The following INPP4B variants were observed in gnomAD, a reference collection of about 807,000 sequenced individuals.
INPP4B encodes the protein inositol polyphosphate-4-phosphatase type II B, also known as inositol polyphosphate 4-phosphatase type II.
Under a neutral mutation model 122.5 loss-of-function variants are expected in INPP4B, and 55 were observed. That is an observed-to-expected ratio of 0.45 (90% confidence interval 0.36 to 0.56). INPP4B has a LOEUF of 0.56. Ranked by LOEUF, INPP4B falls within the 20% of genes least tolerant of loss-of-function variation. The pLI, the probability that INPP4B is intolerant of heterozygous loss-of-function variation, is 0.00. For synonymous variants in INPP4B, 403 were observed against 388.7 expected, an observed-to-expected ratio of 1.04 and a Z score of -0.43; for missense variants, 1,000 against 1,097.7, an observed-to-expected ratio of 0.91 and a Z score of 1.26.
At position 142,272,222 on chromosome 4, in the gene INPP4B, T is replaced by C. The variant is rs565576836; in HGVS notation, c.504-1448A>G. Among the ~76,000 whole-genome samples, 6 of 152,198 alleles carry C rather than the reference T, an allele frequency of 3.9e-5. No individual in the cohort carries two copies. In the South Asian group the frequency reaches 1.0e-3, roughly 26 times the overall value. ...AAAGTGTCAGAAAGCAGAAGGGGCA[T>C]TTCTATGAGTAGTTTACCAAAATGC... is the stretch of plus-strand genomic sequence containing the variant. On this transcript the variant is annotated intron_variant, in intron 9 of 25. Coordinates refer to ENST00000262992, the MANE Select transcript of INPP4B (RefSeq NM_001101669.3).
At chr4:142,110,620 T>C (rs1021802078) in intron 22 of INPP4B, among the ~76,000 whole-genome samples, 12 of 152,130 alleles carry the variant, frequency 7.9e-5, no homozygotes, top group African/African-American at 2.9e-4. Flanking sequence ...GTCAGAGTGC[T>C]ATTCAAATTC....
At chr4:142,637,329 A>T (rs1350081577) in intron 2 of INPP4B, among the ~76,000 whole-genome samples, 2 of 152,106 alleles carry the variant, frequency 1.3e-5, no homozygotes, top group African/African-American at 2.4e-5. Flanking sequence ...CCCGCAAAAA[A>T]ATTGTCTATG....
intron 2 of INPP4B, among the ~76,000 whole-genome samples, chr4:142,465,738 G>A (rs964105424): frequency 1.9e-4 from 29 of 152,110 alleles, no homozygotes; most frequent in African/African-American, 6.8e-4. Context: ...CGGATCCTGG[G>A]GGAGGATCCT....
chr4:142,184,577 T>C (rs1832337920), intron 15 of INPP4B, among the ~76,000 whole-genome samples: 1 of 152,166 alleles, frequency 6.6e-6, no homozygotes, highest in Non-Finnish European at 1.5e-5. Flanking sequence ...CATTCCCCCA[T>C]ATATATATCC....
At chr4:142,113,342 C>A (rs1791230548) in intron 21 of INPP4B, among the ~76,000 whole-genome samples, 2 of 150,800 alleles carry the variant, frequency 1.3e-5, no homozygotes, top group Non-Finnish European at 3.0e-5. Context: ...ATTTTAAAAA[C>A]TGTCATCTTC....
At chr4:142,484,962 A>G (rs1821031235) in intron 2 of INPP4B, among the ~76,000 whole-genome samples, 1 of 152,162 alleles carries the variant, frequency 6.6e-6, no homozygotes, top group Admixed American at 6.6e-5. Flanking sequence ...AGCAAAAGGA[A>G]ACTGAAGTTT....
intron 1 of INPP4B, among the ~76,000 whole-genome samples, chr4:142,730,841 T>C (rs1039531208): frequency 6.6e-6 from 1 of 152,208 alleles, no homozygotes; most frequent in African/African-American, 2.4e-5. Context: ...ACAATTGCTA[T>C]CTATTAAATA....
intron 16 of INPP4B, among the ~76,000 whole-genome samples, chr4:142,170,952 G>A (rs1421560412): frequency 4.0e-5 from 6 of 151,746 alleles, no homozygotes; most frequent in Admixed American, 3.3e-4. Flanking sequence ...GTTCTCAGTA[G>A]CAGTAGAGAT....
chr4:142,320,469 A>G lies in INPP4B; in HGVS notation c.373-5707T>C, dbSNP rs572878428. On this transcript the variant is annotated intron_variant, in intron 7 of 25. Transcript: ENST00000262992. ...AAGACACTAAAATTTGGATGTTTAC[A>G]TTTGTTTTGACAGAATAATTTAGAT... Among the ~76,000 whole-genome samples the G allele has an allele frequency of 4.6e-5, 7 of 152,246 alleles. No homozygotes were observed. In the East Asian group the frequency reaches 7.7e-4, roughly 17 times the overall value.
At chr4:142,826,763 ACT>A (rs1781514347) in intron 1 of INPP4B, among the ~76,000 whole-genome samples, 1 of 151,800 alleles carries the variant, frequency 6.6e-6, no homozygotes, top group South Asian at 2.1e-4. Context: ...GTCTTCACAA[ACT>A]CAACTCTTCA....
At chr4:142,215,798 C>T (rs962884311) in intron 12 of INPP4B, among the ~76,000 whole-genome samples, 24 of 144,836 alleles carry the variant, frequency 1.7e-4, no homozygotes, top group South Asian at 2.3e-4. Flanking sequence ...GAGGCTGAGG[C>T]GGGAGAATGG....
At chr4:142,687,623 A>G (rs1175945296) in intron 2 of INPP4B, among the ~76,000 whole-genome samples, 1 of 151,508 alleles carries the variant, frequency 6.6e-6, no homozygotes, top group Non-Finnish European at 1.5e-5. Flanking sequence ...AGCCCAGGTA[A>G]TGTGAGTTGT....
intron 3 of INPP4B, among the ~76,000 whole-genome samples, chr4:142,438,601 A>G (rs1277296513): frequency 2.0e-5 from 3 of 152,224 alleles, no homozygotes; most frequent in Non-Finnish European, 4.4e-5. Flanking sequence ...TAAGAACCCT[A>G]GAAGAAAACC....
chr4:142,255,137 TAC>T (rs1368089420), intron 11 of INPP4B, among the ~76,000 whole-genome samples: 2 of 151,834 alleles, frequency 1.3e-5, no homozygotes, highest in Non-Finnish European at 2.9e-5. Flanking sequence ...TAAAATACTT[TAC>T]AGACAAGAAA....
At chr4:142,476,832 C>T (rs1819852245) in intron 2 of INPP4B, among the ~76,000 whole-genome samples, 1 of 152,082 alleles carries the variant, frequency 6.6e-6, no homozygotes, top group Non-Finnish European at 1.5e-5. Context: ...TAAGAAGAGT[C>T]TTAGACAACC....
intron 2 of INPP4B, among the ~76,000 whole-genome samples, chr4:142,522,305 G>C (rs1019618748): frequency 1.3e-5 from 2 of 151,026 alleles, no homozygotes; most frequent in Non-Finnish European, 3.0e-5. Context: ...ACATTTACTT[G>C]TCCCAGGAAC....
chr4:142,571,492 A>G (rs1424837618), intron 2 of INPP4B, among the ~76,000 whole-genome samples: 1 of 152,158 alleles, frequency 6.6e-6, no homozygotes, highest in Non-Finnish European at 1.5e-5. Flanking sequence ...TAATGATTAT[A>G]TATAATCATA....
chr4:142,541,953 C>T (rs1300338129), intron 2 of INPP4B, among the ~76,000 whole-genome samples: 3 of 152,174 alleles, frequency 2.0e-5, no homozygotes, highest in Non-Finnish European at 4.4e-5. Flanking sequence ...CGGCAAAACT[C>T]TCAAGAGATT....
intron 7 of INPP4B, chr4:142,347,327 TGAG>T (rs1207273496): frequency 1.0e-5 from 2 of 193,848 alleles, no homozygotes; most frequent in Non-Finnish European, 2.1e-5. Flanking sequence ...AAAAAAAGTC[TGAG>T]GAGTGAGTTT....
Sources: allele counts gnomAD v4.1 joint callset (sites outside exome capture counted in the v4.1 genomes callset), GRCh38; gene constraint gnomAD v4.1.1; transcripts MANE v1.5; gene names NCBI Gene and HGNC (gene_info 2026-07-23, HGNC 2026-07-21).